PPM1F: variants seen among roughly 807,000 people sequenced by gnomAD.
PPM1F encodes the protein protein phosphatase 1F.
A neutral mutation model predicts 35.5 loss-of-function variants in PPM1F; 17 were observed. The ratio of observed to expected loss-of-function variants is 0.48; its 90% CI spans 0.33 to 0.72. PPM1F has a LOEUF of 0.72. PPM1F is among the 30% of genes least tolerant of loss of function. The pLI is 0.02. For synonymous variants in PPM1F, 241 were observed against 255.5 expected, an observed-to-expected ratio of 0.94 and a Z score of 0.54; for missense variants, 521 against 613.0, an observed-to-expected ratio of 0.85 and a Z score of 1.59.
chr22:21,934,203 G>C lies in PPM1F; in HGVS notation c.379C>G (p.Gln127Glu), dbSNP rs750567170. Residue 127 changes from glutamine to glutamate, a missense_variant, in exon 4 of 8, where the codon CAG (glutamine) becomes GAG (glutamate). Around this residue, in one of 3 missense-constraint regions of PPM1F, gnomAD observed 311 missense variants for 351.5 expected, o/e 0.88. Transcript: ENST00000263212. ...TCCCAAAGGCGGTTAAAGAAACTCT[G>C]TGCCAGGCTTTGGGCATCCAGCACT... ...VTLLDAQSLAQSFFNRLWEVA... is the reference protein window; with the variant it reads ...VTLLDAQSLAESFFNRLWEVA... 2 of 1,574,030 alleles carry C rather than the reference G, an allele frequency of 1.3e-6. No individual in the cohort carries two copies. The highest frequency in any genetic ancestry group is 2.7e-5 in the African/African-American group (2 of 74,476).
At chr22:21,931,023 C>T in intron 6 of PPM1F, 125 bp downstream of exon 6, 2 of 1,461,712 alleles carry the variant, frequency 1.4e-6, no homozygotes, top group Non-Finnish European at 1.8e-6. Flanking sequence ...GGCAGGGAGC[C>T]CTCCCTCTTG....
chr22:21,936,055 G>A (rs2070654808), intron 3 of PPM1F: 1 of 152,188 alleles, frequency 6.6e-6, no homozygotes, highest in South Asian at 2.1e-4. Context: ...TCTACTCCCA[G>A]CTATTCGGGA....
chr22:21,930,632 GAATGCTCGC>G (rs541276911), intron 6 of PPM1F, among the ~76,000 whole-genome samples: 22 of 152,340 alleles, frequency 1.4e-4, no homozygotes, highest in African/African-American at 4.6e-4. Context: ...CATGATATCT[GAATGCTCGC>G]AATCCAACCT....
intron 2 of PPM1F, chr22:21,944,217 C>G (rs911210608): frequency 6.6e-6 from 1 of 152,276 alleles, no homozygotes; most frequent in African/African-American, 2.4e-5. Flanking sequence ...TTGCGCATGC[C>G]ATGACCTCAT....
rs1357017980 is a variant in PPM1F at position 21,923,432 on chromosome 22, T to A, written c.1025A>T (p.Asp342Val). ...FQKPYVSGEA[D>V]AASRALTGSE... ...GCCCGTCAGCGCCCGGGAAGCTGCATCGGCCTCCCCAGACACGTAGGGCTT... is the reference window on the plus strand; with the variant it reads ...GCCCGTCAGCGCCCGGGAAGCTGCAACGGCCTCCCCAGACACGTAGGGCTT... The change falls in exon 8 of 8, where the codon GAT becomes GTT. Residue 342 changes from aspartate (D) to valine (V), a missense_variant. By Grantham distance (152) the Asp-to-Val change is radical. Coordinates refer to ENST00000263212, the MANE Select transcript of PPM1F (RefSeq NM_014634.4). 1 of 1,612,818 alleles carries A rather than the reference T, an allele frequency of 6.2e-7. No homozygotes were observed. The highest frequency in any genetic ancestry group is 2.2e-5 in the East Asian group (1 of 44,854).
intron 2 of PPM1F, chr22:21,942,853 C>G (rs563730234): frequency 1.3e-5 from 2 of 152,434 alleles, no homozygotes; most frequent in East Asian, 3.9e-4. Flanking sequence ...GGCTCCTACA[C>G]AAGGCAAGAA....
At chr22:21,926,617 T>A (rs2070518980) in intron 6 of PPM1F, among the ~76,000 whole-genome samples, 1 of 152,158 alleles carries the variant, frequency 6.6e-6, no homozygotes, top group East Asian at 1.9e-4. Context: ...GATGAGAGCC[T>A]GCTGACTGAA....
chr22:21,933,668 T>A, intron 4 of PPM1F, 89 bp from the exon 5 acceptor site: 2 of 1,248,784 alleles, frequency 1.6e-6, no homozygotes, highest in Non-Finnish European at 2.3e-6. Flanking sequence ...GGGTAGAGTC[T>A]GGGAGAATCA....
intron 2 of PPM1F, 54 bp downstream of exon 2, chr22:21,945,789 G>T: frequency 6.4e-7 from 1 of 1,561,320 alleles, no homozygotes; most frequent in Non-Finnish European, 8.7e-7. Context: ...ATCCCTTGTC[G>T]GCCCTGGTGC....
intron 6 of PPM1F, among the ~76,000 whole-genome samples, chr22:21,929,280 C>G (rs576819091): frequency 2.0e-5 from 3 of 152,274 alleles, no homozygotes; most frequent in Admixed American, 6.5e-5. Context: ...GGCACTGGAT[C>G]TGAACTCCTT....
chr22:21,938,698 G>T, intron 3 of PPM1F: 1 of 737,640 alleles, frequency 1.4e-6, no homozygotes, highest in Admixed American at 5.8e-5. Context: ...CAACTATTCA[G>T]CTGGGTGGGA....
In PPM1F at chr22:21,925,550, C is replaced by T. The variant is rs764813502; in HGVS notation, c.985+19G>A. The T allele has an allele frequency of 5.6e-6, 9 of 1,610,904 alleles. No individual in the cohort carries two copies. Among genetic ancestry groups the T allele is most frequent in the Middle Eastern group, 1.7e-4 (1 of 6,060 alleles). Reference sequence around the variant, plus strand: ...CCGAGAGACCTTCTCCCACTTGGGTCGGCCTCTTTGGCTCTCACCGATGGC... The same window carrying T: ...CCGAGAGACCTTCTCCCACTTGGGTTGGCCTCTTTGGCTCTCACCGATGGC... On this transcript the variant is annotated intron_variant, in intron 7 of 7. Transcript: ENST00000263212.
At chr22:21,927,335 G>A (rs769860127) in intron 6 of PPM1F, among the ~76,000 whole-genome samples, 6 of 152,226 alleles carry the variant, frequency 3.9e-5, no homozygotes, top group Non-Finnish European at 5.9e-5. Flanking sequence ...GCCTGCAGAC[G>A]GCGAGGAGCT....
intron 6 of PPM1F, among the ~76,000 whole-genome samples, chr22:21,930,536 T>A (rs1374305813): frequency 2.6e-5 from 4 of 152,202 alleles, no homozygotes; most frequent in Admixed American, 6.5e-5. Flanking sequence ...GACGTAGAAT[T>A]ATCCACCATG....
intron 1 of PPM1F, chr22:21,950,541 T>C (rs1479070277): frequency 6.6e-6 from 1 of 152,110 alleles, no homozygotes; most frequent in African/African-American, 2.4e-5. Flanking sequence ...ACCAAGGTAA[T>C]GAAAAAAACC....
chr22:21,923,803 G>A lies in PPM1F; in HGVS notation c.986-332C>T, dbSNP rs561510090. ...AGCGATTCCCCTGCCTCAGCCTCCC[G>A]AGTAGCTGGGATTACAGGCTCGCGC... On this transcript the variant is annotated intron_variant, in intron 7 of 7. Transcript: ENST00000263212. Among the ~76,000 whole-genome samples the A allele has an allele frequency of 1.3e-4, 20 of 151,548 alleles. No homozygotes were observed. The East Asian group carries it at 2.3e-3, about 18-fold the overall frequency.
chr22:21,925,264 T>G, intron 7 of PPM1F: 1 of 411,336 alleles, frequency 2.4e-6, no homozygotes, highest in East Asian at 3.5e-5. Context: ...AAACCTCATT[T>G]CCGGAATATT....
intron 3 of PPM1F, 87 bp from the exon 4 acceptor site, chr22:21,934,313 C>CT: frequency 8.8e-7 from 1 of 1,131,946 alleles, no homozygotes; most frequent in Non-Finnish European, 1.3e-6. Flanking sequence ...CCCACAGGGG[C>CT]CTGCAAAGCC....
At chr22:21,934,315 T>TGTG in intron 3 of PPM1F, 89 bp from the exon 4 acceptor site, 3 of 1,131,620 alleles carry the variant, frequency 2.7e-6, no homozygotes, top group Non-Finnish European at 3.8e-6. Context: ...CACAGGGGCC[T>TGTG]GCAAAGCCCC....
Sources: gnomAD v4.1 joint callset for allele counts (sites outside exome capture counted in the v4.1 genomes callset) on GRCh38, gnomAD v4.1.1 for gene constraint, gnomAD v4.1.1 regional missense constraint, MANE v1.5 for transcripts, NCBI Gene and HGNC (gene_info 2026-07-23, HGNC 2026-07-21) for gene names.